NKAIN2: variants seen among roughly 807,000 people sequenced by gnomAD.
NKAIN2 encodes the protein sodium/potassium-transporting ATPase subunit beta-1-interacting protein 2.
A neutral mutation model predicts 32.6 loss-of-function variants in NKAIN2; 14 were observed. The ratio of observed to expected loss-of-function variants is 0.43; its 90% CI spans 0.28 to 0.67. The LOEUF is 0.67. NKAIN2 is among the 30% of genes least tolerant of loss of function. NKAIN2 has a pLI of 0.17. For synonymous variants in NKAIN2, 80 were observed against 87.2 expected, an observed-to-expected ratio of 0.92 and a Z score of 0.46; for missense variants, 198 against 258.3, an observed-to-expected ratio of 0.77 and a Z score of 1.60.
At chr6:124,261,050 C>T (rs560124790) in intron 1 of NKAIN2, among the ~76,000 whole-genome samples, 59 of 152,164 alleles carry the variant, frequency 3.9e-4, no homozygotes, top group Non-Finnish European at 7.8e-4. Context: ...GTGATATAAC[C>T]TGTAAATGTT....
chr6:124,223,313 A>G (rs939416761), intron 1 of NKAIN2, among the ~76,000 whole-genome samples: 1 of 150,492 alleles, frequency 6.6e-6, no homozygotes, highest in Non-Finnish European at 1.5e-5. Context: ...TCCTTTTGGG[A>G]AGAGAAATAA....
chr6:123,883,894 CAAAAAA>C (rs369070419), intron 1 of NKAIN2, among the ~76,000 whole-genome samples: 2 of 63,864 alleles, frequency 3.1e-5, no homozygotes, highest in African/African-American at 6.2e-5. Context: ...GACTCTGTCT[CAAAAAA>C]AAAAAAAAAA....
intron 3 of NKAIN2, among the ~76,000 whole-genome samples, chr6:124,373,043 G>T (rs1195922072): frequency 2.6e-5 from 4 of 152,170 alleles, no homozygotes; most frequent in Admixed American, 6.5e-5. Context: ...AGGAGCAAGA[G>T]TTGCAAGAGG....
At chr6:124,350,950 C>G (rs1431227847) in intron 2 of NKAIN2, among the ~76,000 whole-genome samples, 2 of 152,108 alleles carry the variant, frequency 1.3e-5, no homozygotes, top group Non-Finnish European at 2.9e-5. Context: ...GATAGCACCA[C>G]TGCACTCCAG....
At chr6:124,028,148 GA>G (rs1781204315) in intron 1 of NKAIN2, among the ~76,000 whole-genome samples, 1 of 152,030 alleles carries the variant, frequency 6.6e-6, no homozygotes, top group Non-Finnish European at 1.5e-5. Context: ...ACATAATTTA[GA>G]ATGTTCTGTA....
intron 1 of NKAIN2, among the ~76,000 whole-genome samples, chr6:123,886,843 C>T (rs562440703): frequency 8.5e-4 from 129 of 152,104 alleles, no homozygotes; most frequent in African/African-American, 1.4e-3. Flanking sequence ...GTTGTTTAGA[C>T]GCGTTTTTGG....
chr6:124,758,538 T>C (rs1778072088), intron 4 of NKAIN2, among the ~76,000 whole-genome samples: 1 of 152,100 alleles, frequency 6.6e-6, no homozygotes. Context: ...ATTTTTGCTA[T>C]AGCAGCCTGA....
chr6:124,758,106 C>T (rs910537645), intron 4 of NKAIN2, among the ~76,000 whole-genome samples: 2 of 152,060 alleles, frequency 1.3e-5, no homozygotes, highest in African/African-American at 4.8e-5. Flanking sequence ...GGATTATTTT[C>T]TTAATGTTTT....
intron 4 of NKAIN2, among the ~76,000 whole-genome samples, chr6:124,673,672 A>G (rs892923944): frequency 1.3e-5 from 2 of 151,758 alleles, no homozygotes; most frequent in Non-Finnish European, 2.9e-5. Context: ...CCTGTTGGCC[A>G]TTTGAATGTC....
At chr6:123,870,466 T>C (rs1465632680) in intron 1 of NKAIN2, among the ~76,000 whole-genome samples, 3 of 152,158 alleles carry the variant, frequency 2.0e-5, no homozygotes, top group African/African-American at 7.2e-5. Flanking sequence ...AAAATCTTAG[T>C]GCTGTCACTT....
rs545882162 is a variant in NKAIN2 at position 124,685,978 on chromosome 6, A to G, written c.474+27592A>G. 1.3e-4 allele frequency among the ~76,000 whole-genome samples: 20 copies of G among 152,278 alleles called. No individual in the cohort carries two copies. In the East Asian group the frequency reaches 3.1e-3, roughly 24 times the overall value. On this transcript the variant is annotated intron_variant, in intron 4 of 6. Transcript: ENST00000368417. ...CAAGATGATAATCAAAGTTTTGGCC[A>G]GGGCTGTGTTCTCAGCTGAGGCTTG...
intron 1 of NKAIN2, among the ~76,000 whole-genome samples, chr6:124,178,500 T>C (rs1789278533): frequency 6.6e-6 from 1 of 152,058 alleles, no homozygotes; most frequent in African/African-American, 2.4e-5. Context: ...GGTTTCACCG[T>C]GTTAGCCAGG....
Position 124,289,487 on chromosome 6 carries a change from G to C in NKAIN2, c.192+6345G>C, listed in dbSNP as rs1382619481. Among the ~76,000 whole-genome samples, 3 of 152,112 alleles carry C rather than the reference G, an allele frequency of 2.0e-5. No individual in the cohort carries two copies. The East Asian group carries it at 5.8e-4, about 29-fold the overall frequency. On this transcript the variant is annotated intron_variant, in intron 2 of 6. Transcript: ENST00000368417. Reference sequence around the variant, plus strand: ...ACTGGAGCACCAGAGACAAAGACAGGATTCATTTTGTAAAAAGATTACGAC... The same window carrying C: ...ACTGGAGCACCAGAGACAAAGACAGCATTCATTTTGTAAAAAGATTACGAC...
intron 1 of NKAIN2, among the ~76,000 whole-genome samples, chr6:123,944,946 C>T (rs1366362155): frequency 6.6e-6 from 1 of 151,866 alleles, no homozygotes; most frequent in Non-Finnish European, 1.5e-5. Context: ...ATCACGTTAC[C>T]CACCCCCAAC....
At chr6:124,300,695 T>A (rs1583014981) in intron 2 of NKAIN2, among the ~76,000 whole-genome samples, 1 of 152,144 alleles carries the variant, frequency 6.6e-6, no homozygotes, top group Non-Finnish European at 1.5e-5. Flanking sequence ...TGGTCTCAGA[T>A]GGAGAGGAGG....
In NKAIN2 at chr6:123,938,560, T is replaced by A. The variant is rs1320245978; in HGVS notation, c.54+134306T>A. 1.1e-4 allele frequency among the ~76,000 whole-genome samples: 15 copies of A among 137,922 alleles called. No individual in the cohort carries two copies. The East Asian group carries it at 2.7e-3, about 25-fold the overall frequency. 90.5% of individuals were successfully genotyped at this position (137,922 alleles called of 152,430 possible). A position where few individuals can be genotyped will look rare whatever the true frequency, so the allele number is the denominator to read the frequency against. On this transcript the variant is annotated intron_variant, in intron 1 of 6. Coordinates refer to ENST00000368417, the MANE Select transcript of NKAIN2 (RefSeq NM_001040214.3). Reference sequence around the variant, plus strand: ...TTTTATATATTATATATTTATATATTTTTATATATTATATATATTTATATA... The same window carrying A: ...TTTTATATATTATATATTTATATATATTTATATATTATATATATTTATATA...
intron 4 of NKAIN2, among the ~76,000 whole-genome samples, chr6:124,729,788 A>T (rs964945149): frequency 6.6e-6 from 1 of 151,982 alleles, no homozygotes; most frequent in Admixed American, 6.6e-5. Context: ...TGCAGATGAC[A>T]TGATTGTATA....
intron 3 of NKAIN2, among the ~76,000 whole-genome samples, chr6:124,498,813 AC>A (rs1365120305): frequency 6.6e-6 from 1 of 152,238 alleles, no homozygotes; most frequent in African/African-American, 2.4e-5. Context: ...TAATTAATAA[AC>A]ATTTTAAAGT....
chr6:124,726,526 G>T (rs954336893), intron 4 of NKAIN2, among the ~76,000 whole-genome samples: 1 of 150,714 alleles, frequency 6.6e-6, no homozygotes, highest in African/African-American at 2.4e-5. Flanking sequence ...CTAACAAACA[G>T]AAAGGACATC....
Sources: gnomAD v4.1 joint callset for allele counts (sites outside exome capture counted in the v4.1 genomes callset) on GRCh38, gnomAD v4.1.1 for gene constraint, MANE v1.5 for transcripts, NCBI Gene and HGNC (gene_info 2026-07-23, HGNC 2026-07-21) for gene names.